Variants in RAP1B observed in about 807,000 individuals in gnomAD.
The protein encoded by RAP1B is ras-related protein Rap-1b.
In RAP1B, 1 loss-of-function variant was observed where a neutral mutation model predicts 27.5. The ratio of observed to expected loss-of-function variants is 0.04; its 90% confidence interval spans 0.01 to 0.17. The LOEUF is 0.17. RAP1B is among the 10% of genes least tolerant of loss of function. The probability of loss-of-function intolerance (pLI) is 1.00; values close to 1 mark genes in which losing one functional copy is unlikely to be tolerated. For synonymous variants in RAP1B, 75 were observed against 73.1 expected, an observed-to-expected ratio of 1.03 and a Z score of -0.13; for missense variants, 84 against 214.8, an observed-to-expected ratio of 0.39 and a Z score of 3.81.
intron 1 of RAP1B, among the ~76,000 whole-genome samples, chr12:68,611,804 T>C (rs1164507741): frequency 6.6e-6 from 1 of 152,162 alleles, no homozygotes; most frequent in South Asian, 2.1e-4. Context: ...TCCAGGAAGT[T>C]TGTCCTCTTC....
chr12:68,648,817 C>T (rs769151499), intron 2 of RAP1B, 36 bp downstream of exon 2: 4 of 1,553,148 alleles, frequency 2.6e-6, no homozygotes, highest in South Asian at 1.2e-5. Context: ...CCTTTCACTC[C>T]AAGACGTTCT....
At position 68,666,535 on chromosome 12, in the gene RAP1B, C is replaced by T. The variant is rs371741230; in HGVS notation, c.*7286C>T. 1.3e-5 allele frequency: 2 copies of T among 152,354 alleles called. No individual in the cohort carries two copies. Among genetic ancestry groups the T allele is most frequent in the African/African-American group, 2.4e-5 (1 of 41,578 alleles). The allele number at this position is 152,354 out of a possible 1,614,324, so 9.4% of individuals were successfully genotyped here. On this transcript the variant is annotated 3_prime_UTR_variant, in exon 8 of 8. Coordinates refer to ENST00000250559, the MANE Select transcript of RAP1B (RefSeq NM_001010942.3). Reference sequence around the variant, plus strand: ...GCATTATGCCACATCACATGTGCCTCTATCTTTGTATCTCCTCCTCTCTAT... The same window carrying T: ...GCATTATGCCACATCACATGTGCCTTTATCTTTGTATCTCCTCCTCTCTAT...
chr12:68,651,744 C>T (rs893048330), intron 3 of RAP1B: 2 of 426,072 alleles, frequency 4.7e-6, no homozygotes, highest in Non-Finnish European at 8.6e-6. Flanking sequence ...CATATTGAGA[C>T]TGGTTCGTGT....
At chr12:68,623,195 C>T (rs1272216944) in intron 1 of RAP1B, among the ~76,000 whole-genome samples, 1 of 151,836 alleles carries the variant, frequency 6.6e-6, no homozygotes, top group Non-Finnish European at 1.5e-5. Context: ...GAAAAGTTAA[C>T]CAGTATAAAA....
At chr12:68,635,901 C>G (rs895837354) in intron 1 of RAP1B, among the ~76,000 whole-genome samples, 1 of 151,328 alleles carries the variant, frequency 6.6e-6, no homozygotes, top group Non-Finnish European at 1.5e-5. Context: ...TTTTTTGTTA[C>G]GAAGTCTTGC....
At chr12:68,612,254 C>G (rs1482354734) in intron 1 of RAP1B, among the ~76,000 whole-genome samples, 2 of 152,168 alleles carry the variant, frequency 1.3e-5, no homozygotes, top group Non-Finnish European at 1.5e-5. Flanking sequence ...TTTTTCAGCT[C>G]TCTTTTTTCG....
chr12:68,611,707 A>G (rs1336231568), intron 1 of RAP1B, among the ~76,000 whole-genome samples: 1 of 152,162 alleles, frequency 6.6e-6, no homozygotes, highest in Non-Finnish European at 1.5e-5. Context: ...TTAGTCTGGC[A>G]GCAGCCACCG....
At position 68,662,035 on chromosome 12, in the gene RAP1B, A is replaced by ATATATATATAT. The variant is rs1565677514; in HGVS notation, c.*2792_*2793insTATATTATATA. The ATATATATATAT allele has an allele frequency of 7.5e-6, 1 of 132,838 alleles. No individual in the cohort carries two copies. Among genetic ancestry groups the ATATATATATAT allele is most frequent in the East Asian group, 2.0e-4 (1 of 4,960 alleles). The allele number at this position is 132,838 out of a possible 1,614,324, so 8.2% of individuals were successfully genotyped here. A position where few individuals can be genotyped will look rare whatever the true frequency, so the allele number is the denominator to read the frequency against. On this transcript the variant is annotated 3_prime_UTR_variant, in exon 8 of 8. Coordinates refer to ENST00000250559, the MANE Select transcript of RAP1B (RefSeq NM_001010942.3). The stretch of plus-strand genomic sequence containing the variant: ...ATATATATATATATATATATATATT[A>ATATATATATAT]TATATAGTACATATATAGAGAGAGT...
Position 68,656,357 on chromosome 12 carries a change from G to A in RAP1B, c.376G>A (p.Val126Ile). The stretch of plus-strand genomic sequence containing the variant: ...GTGTGACTTGGAAGATGAAAGAGTT[G>A]TAGGGAAGGAACAAGGTCAAAATCT... ...NKCDLEDERV[V>I]GKEQGQNLAR... The change falls in exon 6 of 8, where the codon GTA becomes ATA. Residue 126 changes from valine to isoleucine, a missense_variant. Coordinates refer to ENST00000250559, the MANE Select transcript of RAP1B (RefSeq NM_001010942.3). 1.2e-6 allele frequency: 2 copies of A among 1,608,000 alleles called. No homozygotes were observed. The highest frequency in any genetic ancestry group is 8.5e-7 in the Non-Finnish European group (1 of 1,174,628).
chr12:68,644,327 A>C (rs2135952681), intron 1 of RAP1B, among the ~76,000 whole-genome samples: 1 of 152,300 alleles, frequency 6.6e-6, no homozygotes, highest in Non-Finnish European at 1.5e-5. Context: ...ACGGTGGCTC[A>C]CGCCTGTAAT....
At chr12:68,618,621 C>T (rs1176468630) in intron 1 of RAP1B, among the ~76,000 whole-genome samples, 1 of 152,156 alleles carries the variant, frequency 6.6e-6, no homozygotes, top group Non-Finnish European at 1.5e-5. Flanking sequence ...TTTGTAGTGA[C>T]ATTTGTACCT....
chr12:68,629,482 T>C (rs970115638), intron 1 of RAP1B, among the ~76,000 whole-genome samples: 3 of 152,232 alleles, frequency 2.0e-5, no homozygotes, highest in Non-Finnish European at 2.9e-5. Context: ...ATGAATACTT[T>C]GATGTTAGAC....
chr12:68,660,905 G>A lies in RAP1B; in HGVS notation c.*1656G>A, dbSNP rs1029277525. ...AATACAGGATTGAAGTTAGAATATT[G>A]TGGTTATAAAAATCTTTGAGTGATG... On this transcript the variant is annotated 3_prime_UTR_variant, in exon 8 of 8. Transcript: ENST00000250559. 4 of 152,146 alleles carry A rather than the reference G, an allele frequency of 2.6e-5. No individual in the cohort carries two copies. Among genetic ancestry groups the A allele is most frequent in the African/African-American group, 9.7e-5 (4 of 41,424 alleles). 9.4% of individuals were successfully genotyped at this position (152,146 alleles called of 1,614,324 possible). A position where few individuals can be genotyped will look rare whatever the true frequency, so the allele number is the denominator to read the frequency against.
chr12:68,643,193 A>G (rs781218637), intron 1 of RAP1B, among the ~76,000 whole-genome samples: 33 of 152,172 alleles, frequency 2.2e-4, no homozygotes, highest in Non-Finnish European at 4.1e-4. Context: ...ATAATTTATA[A>G]TATCAGGTAT....
rs1592479470 is a variant in RAP1B, at chr12:68,669,760, A to G, written c.*10511A>G. ...AGGGTGCAGTAGCTGAGATTGTACC[A>G]CTGCACTCCAGCCTGGGTGACAGAG... On this transcript the variant is annotated 3_prime_UTR_variant, in exon 8 of 8. Coordinates refer to ENST00000250559, the MANE Select transcript of RAP1B (RefSeq NM_001010942.3). 2 of 152,084 alleles carry G rather than the reference A, an allele frequency of 1.3e-5. No individual in the cohort carries two copies. Among genetic ancestry groups the G allele is most frequent in the Non-Finnish European group, 2.9e-5 (2 of 68,066 alleles). The allele number at this position is 152,084 out of a possible 1,614,324, so 9.4% of individuals were successfully genotyped here. A position where few individuals can be genotyped will look rare whatever the true frequency, so the allele number is the denominator to read the frequency against.
intron 1 of RAP1B, among the ~76,000 whole-genome samples, chr12:68,634,903 A>G (rs1026776109): frequency 2.0e-5 from 3 of 152,246 alleles, no homozygotes; most frequent in Non-Finnish European, 4.4e-5. Flanking sequence ...GTATTAATCC[A>G]TGAAAAGGGC....
intron 3 of RAP1B, among the ~76,000 whole-genome samples, chr12:68,651,281 T>G (rs1279636161): frequency 1.3e-5 from 2 of 152,168 alleles, no homozygotes; most frequent in African/African-American, 4.8e-5. Flanking sequence ...TTTAACTTAG[T>G]AGGGAAAGAG....
At chr12:68,630,393 CCAA>C (rs1281478018) in intron 1 of RAP1B, among the ~76,000 whole-genome samples, 2 of 152,028 alleles carry the variant, frequency 1.3e-5, no homozygotes, top group African/African-American at 4.8e-5. Context: ...TGACTGTGTT[CCAA>C]CAAAATTTTA....
intron 1 of RAP1B, among the ~76,000 whole-genome samples, chr12:68,623,669 C>A (rs1037020816): frequency 2.0e-5 from 3 of 152,206 alleles, no homozygotes; most frequent in Non-Finnish European, 4.4e-5. Context: ...AGCTTTGCCA[C>A]CAACATAGTT....
Sources: allele counts gnomAD v4.1 joint callset (sites outside exome capture counted in the v4.1 genomes callset), GRCh38; gene constraint gnomAD v4.1.1; transcripts MANE v1.5; gene names NCBI Gene and HGNC (gene_info 2026-07-23, HGNC 2026-07-21).